The following HMCN1 variants were observed in gnomAD, a reference collection of about 807,000 sequenced individuals.
HMCN1 encodes the protein hemicentin 1.
HMCN1 carries 321 observed loss-of-function variants against 625.9 expected under a neutral mutation model. The ratio of observed to expected loss-of-function variants is 0.51; its 90% CI spans 0.47 to 0.56. The LOEUF (loss-of-function observed/expected upper bound fraction) is 0.56, where lower values mean the gene tolerates loss of function less well. Ranked by LOEUF, HMCN1 falls within the 20% of genes least tolerant of loss-of-function variation. The probability of loss-of-function intolerance (pLI) is 0.00; values close to 1 mark genes in which losing one functional copy is unlikely to be tolerated. For synonymous variants in HMCN1, 2,425 were observed against 2,417.6 expected, an observed-to-expected ratio of 1.00 and a Z score of -0.09; for missense variants, 6,588 against 6,887.3, an observed-to-expected ratio of 0.96 and a Z score of 1.54.
intron 4 of HMCN1, among the ~76,000 whole-genome samples, chr1:185,879,463 T>C (rs930955375): frequency 6.6e-6 from 1 of 152,192 alleles, no homozygotes; most frequent in African/African-American, 2.4e-5. Flanking sequence ...TGAATCACCT[T>C]GCCTGACTCA....
chr1:185,924,332 G>A (rs185573554), intron 8 of HMCN1, among the ~76,000 whole-genome samples: 244 of 143,868 alleles, frequency 1.7e-3, no homozygotes, highest in Middle Eastern at 7.5e-3. Flanking sequence ...CCGGGTTCAC[G>A]TCATTCTCCT....
chr1:186,164,681 G>T (rs1049418710), intron 97 of HMCN1, among the ~76,000 whole-genome samples: 7 of 152,206 alleles, frequency 4.6e-5, no homozygotes, highest in Non-Finnish European at 1.0e-4. Flanking sequence ...AAAGGAGGGA[G>T]CTTCTTCACA....
chr1:186,180,874 A>G (rs904424989), intron 104 of HMCN1, among the ~76,000 whole-genome samples: 3 of 146,598 alleles, frequency 2.0e-5, no homozygotes, highest in African/African-American at 5.2e-5. Flanking sequence ...CAGCTTTGGT[A>G]TTACACAACA....
chr1:185,782,709 A>T (rs1348623399), intron 1 of HMCN1, among the ~76,000 whole-genome samples: 1 of 152,208 alleles, frequency 6.6e-6, no homozygotes, highest in Non-Finnish European at 1.5e-5. Context: ...TTCTGCTGAG[A>T]GATCCGCTGT....
chr1:185,911,722 A>G lies in HMCN1; in HGVS notation c.842A>G (p.His281Arg). 3 of 1,613,646 alleles carry G rather than the reference A, an allele frequency of 1.9e-6. No homozygotes were observed. The highest frequency in any genetic ancestry group is 2.5e-6 in the Non-Finnish European group (3 of 1,179,632). ...GFGLHELLNI[H>R]NSAKVVNVKE... ...GGCCTGCATGAGCTATTAAATATCC[A>G]TAACTCTGCCAAAGTAGTGAATGTG... Residue 281 changes from histidine (H) to arginine (R), a missense_variant, in exon 6 of 107, where the codon CAT becomes CGT. Around this residue, in one of 3 missense-constraint regions of HMCN1, gnomAD observed 4,628 missense variants for 4,853.1 expected, o/e 0.95. Coordinates refer to ENST00000271588, the MANE Select transcript of HMCN1 (RefSeq NM_031935.3).
intron 1 of HMCN1, among the ~76,000 whole-genome samples, chr1:185,797,416 T>A (rs142802572): frequency 1.2e-4 from 19 of 152,344 alleles, no homozygotes; most frequent in African/African-American, 4.6e-4. Context: ...GCAGTCTTTC[T>A]GCCTCAGCTT....
In HMCN1 at chr1:185,925,127, C is replaced by T; in HGVS notation, c.1366C>T (p.Leu456Phe). 6.2e-7 allele frequency: 1 copy of T among 1,613,856 alleles called. No homozygotes were observed. Among genetic ancestry groups the T allele is most frequent in the Non-Finnish European group, 8.5e-7 (1 of 1,179,784 alleles). The change falls in exon 9 of 107, where the codon CTT (leucine) becomes TTT (phenylalanine). Residue 456 changes from leucine to phenylalanine, a missense_variant. Leu to Phe is a conservative substitution (Grantham distance 22). Around this residue, in one of 3 missense-constraint regions of HMCN1, gnomAD observed 4,628 missense variants for 4,853.1 expected, o/e 0.95. Transcript: ENST00000271588. ...PGQIPCSVDS[L>F]LPFTLSFVRN... Reference sequence around the variant, plus strand: ...CCAAATTCCCTGCTCTGTTGACAGTCTTTTGCCCTTTACCTTGAGCTTTGT... The same window carrying T: ...CCAAATTCCCTGCTCTGTTGACAGTTTTTTGCCCTTTACCTTGAGCTTTGT...
chr1:185,938,476 C>T lies in HMCN1; in HGVS notation c.1828+4652C>T, dbSNP rs367902070. 1.1e-3 allele frequency among the ~76,000 whole-genome samples: 173 copies of T among 151,792 alleles called. 1 individual carries two copies. The highest frequency in any genetic ancestry group is 3.6e-3 in the African/African-American group (150 of 41,404). On this transcript the variant is annotated intron_variant, in intron 11 of 106. Transcript: ENST00000271588. ...TTTGCTTTTAGGGTCTGAATACTTT[C>T]CCTAATTTGTGGAGGAATTATTTAT...
intron 11 of HMCN1, among the ~76,000 whole-genome samples, chr1:185,934,562 G>T (rs1297643107): frequency 6.6e-6 from 1 of 152,134 alleles, no homozygotes; most frequent in Non-Finnish European, 1.5e-5. Context: ...AACATATTTG[G>T]CTTCTAAAAG....
intron 1 of HMCN1, among the ~76,000 whole-genome samples, chr1:185,828,101 G>A (rs1007803631): frequency 6.6e-6 from 1 of 152,112 alleles, no homozygotes; most frequent in Non-Finnish European, 1.5e-5. Flanking sequence ...TTAAGCAAGA[G>A]GTGTCTAAAA....
At chr1:186,084,400 G>A (rs1402612423) in intron 57 of HMCN1, among the ~76,000 whole-genome samples, 1 of 152,158 alleles carries the variant, frequency 6.6e-6, no homozygotes, top group Admixed American at 6.6e-5. Context: ...AAGGATTGGA[G>A]TTCAGAAATG....
chr1:185,775,535 T>C (rs1041242570), intron 1 of HMCN1, among the ~76,000 whole-genome samples: 7 of 152,176 alleles, frequency 4.6e-5, no homozygotes, highest in African/African-American at 1.2e-4. Context: ...TTCTAGGAGG[T>C]TGGTCACATA....
chr1:186,005,207 ATAAATGT>A (rs1653496194), intron 29 of HMCN1, among the ~76,000 whole-genome samples: 1 of 145,000 alleles, frequency 6.9e-6, no homozygotes, highest in Non-Finnish European at 1.5e-5. Context: ...TTAATTGTTT[ATAAATGT>A]TTATAAACAA....
chr1:185,843,968 G>A (rs1489418675), intron 1 of HMCN1, among the ~76,000 whole-genome samples: 1 of 151,964 alleles, frequency 6.6e-6, no homozygotes, highest in Non-Finnish European at 1.5e-5. Context: ...ATTACTATAG[G>A]GAATGTCCTT....
In HMCN1 at chr1:186,070,681, T is replaced by G. The variant is rs1427162838; in HGVS notation, c.8063T>G (p.Val2688Gly). The G allele has an allele frequency of 1.2e-6, 2 of 1,613,670 alleles. No individual in the cohort carries two copies. The highest frequency in any genetic ancestry group is 1.7e-6 in the Non-Finnish European group (2 of 1,179,736). The change falls in exon 52 of 107, where the codon GTA (valine) becomes GGA (glycine). Residue 2688 changes from valine to glycine, a missense_variant. Coordinates refer to ENST00000271588, the MANE Select transcript of HMCN1 (RefSeq NM_031935.3). The stretch of plus-strand genomic sequence containing the variant: ...TCCCCTAAAGAAGTGAAGATCAAAG[T>G]AAACAACACTCTGACCTTGGAATGT... ...GLSPKEVKIKVNNTLTLECEA... is the reference protein window; with the variant it reads ...GLSPKEVKIKGNNTLTLECEA...
intron 1 of HMCN1, among the ~76,000 whole-genome samples, chr1:185,788,782 T>A (rs1657795110): frequency 6.7e-6 from 1 of 148,732 alleles, no homozygotes; most frequent in Admixed American, 6.5e-5. Context: ...GTTTTTCTTT[T>A]TAATGGATTT....
intron 1 of HMCN1, among the ~76,000 whole-genome samples, chr1:185,761,366 T>A (rs1426971385): frequency 6.6e-6 from 1 of 152,146 alleles, no homozygotes; most frequent in Non-Finnish European, 1.5e-5. Context: ...TTATTAATAG[T>A]CAAATATCTG....
At chr1:186,152,157 G>T (rs1650715124) in intron 95 of HMCN1, among the ~76,000 whole-genome samples, 1 of 152,156 alleles carries the variant, frequency 6.6e-6, no homozygotes, top group African/African-American at 2.4e-5. Context: ...CAAACCTAAA[G>T]GCTTTTCACT....
intron 100 of HMCN1, among the ~76,000 whole-genome samples, chr1:186,168,375 C>T (rs187523016): frequency 6.6e-6 from 1 of 151,816 alleles, no homozygotes; most frequent in East Asian, 1.9e-4. Flanking sequence ...ATCGCTTGAA[C>T]CCAGGAGGCT....
Sources: allele counts gnomAD v4.1 joint callset (sites outside exome capture counted in the v4.1 genomes callset), GRCh38; gene constraint gnomAD v4.1.1; regional missense constraint gnomAD v4.1.1; transcripts MANE v1.5; gene names NCBI Gene and HGNC (gene_info 2026-07-23, HGNC 2026-07-21).